The following ABHD2 variants were observed in gnomAD, a reference collection of about 807,000 sequenced individuals.
The protein encoded by ABHD2 is monoacylglycerol lipase ABHD2.
A neutral mutation model predicts 48.1 loss-of-function variants in ABHD2; 20 were observed. That is an observed-to-expected ratio of 0.42 (90% CI 0.29 to 0.60). ABHD2 has a LOEUF of 0.60. Among genes scored for constraint, ABHD2 ranks in the 20% least tolerant of loss-of-function variants. ABHD2 has a pLI of 0.24. For missense variants in ABHD2, 405 were observed against 550.9 expected, an observed-to-expected ratio of 0.74 and a Z score of 2.65; for synonymous variants, 209 against 214.2, an observed-to-expected ratio of 0.98 and a Z score of 0.21.
intron 3 of ABHD2, among the ~76,000 whole-genome samples, chr15:89,145,436 GTA>G (rs1425848612): frequency 2.6e-5 from 4 of 152,194 alleles, no homozygotes; most frequent in Non-Finnish European, 5.9e-5. Context: ...CATTTGAGAA[GTA>G]TGTGAAATGC....
chr15:89,129,563 G>T (rs563967842), intron 3 of ABHD2, among the ~76,000 whole-genome samples: 1 of 152,244 alleles, frequency 6.6e-6, no homozygotes, highest in Non-Finnish European at 1.5e-5. Flanking sequence ...TTGATTGAAG[G>T]TTTTTCCCCT....
intron 3 of ABHD2, among the ~76,000 whole-genome samples, chr15:89,119,625 G>C (rs2050016673): frequency 6.6e-6 from 1 of 152,184 alleles, no homozygotes; most frequent in African/African-American, 2.4e-5. Context: ...TGTGACACCA[G>C]GTTGGCTGCC....
chr15:89,080,608 CA>C, the ABHD2 span, among the ~76,000 whole-genome samples: 1 of 152,096 alleles, frequency 6.6e-6, no homozygotes, highest in Non-Finnish European at 1.5e-5. Flanking sequence ...AACAATCAGC[CA>C]GCAGTTGGTG....
the ABHD2 span, among the ~76,000 whole-genome samples, chr15:89,055,764 GAGTGAGATGA>G: frequency 6.0e-3 from 912 of 152,300 alleles, 13 homozygotes; most frequent in African/African-American, 0.021. Flanking sequence ...CTGCTATTAA[GAGTGAGATGA>G]AGTGAGATGA....
intron 3 of ABHD2, among the ~76,000 whole-genome samples, chr15:89,118,413 A>G (rs942981684): frequency 2.0e-4 from 31 of 152,112 alleles, no homozygotes; most frequent in African/African-American, 7.2e-4. Flanking sequence ...TCCTGACCTC[A>G]GGTAATCTGC....
At chr15:89,122,581 G>A (rs751092196) in intron 3 of ABHD2, among the ~76,000 whole-genome samples, 29 of 152,184 alleles carry the variant, frequency 1.9e-4, no homozygotes, top group Non-Finnish European at 3.5e-4. Flanking sequence ...GTTTCTGGAA[G>A]AAGATGGATT....
At position 89,185,740 on chromosome 15, in the gene ABHD2, G is replaced by C. The variant is rs553775786; in HGVS notation, c.815+224G>C. ...CCCCAGCACTTTGGGAAGCTGAGGC[G>C]GGCAGATAGCTTGAGGCCAGGAATT... is the stretch of plus-strand genomic sequence containing the variant. On this transcript the variant is annotated intron_variant, in intron 7 of 10. Transcript: ENST00000352732. The surrounding 1 kb of genome is among the most constrained non-coding windows in gnomAD (Gnocchi z 5.9). Among the ~76,000 whole-genome samples the C allele has an allele frequency of 6.6e-6, 1 of 152,300 alleles. No homozygotes were observed. Among genetic ancestry groups the C allele is most frequent in the Non-Finnish European group, 1.5e-5 (1 of 68,028 alleles).
Position 89,197,658 on chromosome 15 carries a change from A to C in ABHD2, c.*2235A>C, listed in dbSNP as rs932290114. 1 of 152,288 alleles carries C rather than the reference A, an allele frequency of 6.6e-6. No homozygotes were observed. The highest frequency in any genetic ancestry group is 1.5e-5 in the Non-Finnish European group (1 of 68,102). 9.4% of individuals were successfully genotyped at this position (152,288 alleles called of 1,614,324 possible). A position where few individuals can be genotyped will look rare whatever the true frequency, so the allele number is the denominator to read the frequency against. ...CAGCTCCATTCAGAAATTCAGGAAG[A>C]GAAAAGACAGCCCTGTTGTCACACA... is the stretch of plus-strand genomic sequence containing the variant. On this transcript the variant is annotated 3_prime_UTR_variant, in exon 11 of 11. Transcript: ENST00000352732. The surrounding 1 kb of genome is among the most constrained non-coding windows in gnomAD (Gnocchi z 4.4).
chr15:89,133,294 C>G (rs1446657219), intron 3 of ABHD2, among the ~76,000 whole-genome samples: 1 of 152,178 alleles, frequency 6.6e-6, no homozygotes, highest in Non-Finnish European at 1.5e-5. Context: ...TAACCAGTCT[C>G]CTAGATAGAG....
chr15:89,143,646 G>A (rs2050443423), intron 3 of ABHD2, among the ~76,000 whole-genome samples: 1 of 151,044 alleles, frequency 6.6e-6, no homozygotes, highest in South Asian at 2.1e-4. Flanking sequence ...TTGCGCCATT[G>A]CACTCCAGCC....
the ABHD2 span, among the ~76,000 whole-genome samples, chr15:89,058,857 G>A: frequency 6.6e-6 from 1 of 152,220 alleles, no homozygotes; most frequent in African/African-American, 2.4e-5. Flanking sequence ...GAAGCCTGCA[G>A]TAATGGGTGG....
the ABHD2 span, among the ~76,000 whole-genome samples, chr15:89,078,523 C>T: frequency 6.6e-6 from 1 of 152,118 alleles, no homozygotes; most frequent in Non-Finnish European, 1.5e-5. Flanking sequence ...CTATTATGAA[C>T]GTTATTGTCC....
intron 1 of ABHD2, among the ~76,000 whole-genome samples, chr15:89,109,938 A>G (rs1257686075): frequency 6.6e-6 from 1 of 152,258 alleles, no homozygotes; most frequent in African/African-American, 2.4e-5. Context: ...TAGTATTTGC[A>G]TATAACCTAT....
chr15:89,172,666 C>A (rs987891119), intron 5 of ABHD2, among the ~76,000 whole-genome samples: 3 of 152,282 alleles, frequency 2.0e-5, no homozygotes, highest in African/African-American at 7.2e-5. Flanking sequence ...ATGCTCTGGA[C>A]CCTGATCTAA....
At chr15:89,159,414 C>G (rs895224145) in intron 5 of ABHD2, among the ~76,000 whole-genome samples, 1 of 152,114 alleles carries the variant, frequency 6.6e-6, no homozygotes, top group Non-Finnish European at 1.5e-5. Flanking sequence ...GATGAGTGGA[C>G]TAACACAGCG....
intron 5 of ABHD2, among the ~76,000 whole-genome samples, chr15:89,161,849 T>G (rs145019578): frequency 9.2e-5 from 14 of 152,338 alleles, no homozygotes; most frequent in Non-Finnish European, 1.9e-4. Flanking sequence ...TGGGCGTGGC[T>G]TATACAAGAG....
rs926788253 is a variant in ABHD2 at position 89,119,599 on chromosome 15, T to C, written c.194+3078T>C. ...AACTGGGAGTAGCAGAGAGGGAAAC[T>C]GAACTCAAACTGGAGTGTGACACCA... On this transcript the variant is annotated intron_variant, in intron 3 of 10. Coordinates refer to ENST00000352732, the MANE Select transcript of ABHD2 (RefSeq NM_152924.5). Among the ~76,000 whole-genome samples the C allele has an allele frequency of 3.3e-5, 5 of 152,184 alleles. No individual in the cohort carries two copies. In the East Asian group the frequency reaches 9.6e-4, roughly 29 times the overall value.
chr15:89,168,996 G>T lies in ABHD2; in HGVS notation c.539-6816G>T, dbSNP rs1215729021. On this transcript the variant is annotated intron_variant, in intron 5 of 10. Coordinates refer to ENST00000352732, the MANE Select transcript of ABHD2 (RefSeq NM_152924.5). This position sits in a 1 kb window ranked among gnomAD's most constrained non-coding sequence, Gnocchi z 4.8. ...AGTCCCAGCTACTCAAGAGGCTAAGGTGGAAGGACGTCTTGAGCTTGGGGA... is the reference window on the plus strand; with the variant it reads ...AGTCCCAGCTACTCAAGAGGCTAAGTTGGAAGGACGTCTTGAGCTTGGGGA... Among the ~76,000 whole-genome samples the T allele has an allele frequency of 6.6e-6, 1 of 152,180 alleles. No homozygotes were observed. The highest frequency in any genetic ancestry group is 1.5e-5 in the Non-Finnish European group (1 of 68,030).
At chr15:89,115,607 G>GA (rs1204981185) in intron 2 of ABHD2, among the ~76,000 whole-genome samples, 1 of 152,052 alleles carries the variant, frequency 6.6e-6, no homozygotes, top group East Asian at 1.9e-4. Flanking sequence ...TCCGCAGGGG[G>GA]AAAAAACAAA....
Sources: gnomAD v4.1 joint callset for allele counts (sites outside exome capture counted in the v4.1 genomes callset) on GRCh38, gnomAD v4.1.1 for gene constraint, Gnocchi (gnomAD v3.1) non-coding constraint, MANE v1.5 for transcripts, NCBI Gene and HGNC (gene_info 2026-07-23, HGNC 2026-07-21) for gene names.